Variants in ADAMTSL1 observed in about 807,000 individuals in gnomAD.
ADAMTSL1 encodes ADAMTS-like protein 1.
A neutral mutation model predicts 201.8 loss-of-function variants in ADAMTSL1; 126 were observed. The observed-to-expected ratio is 0.62, with a 90% CI of 0.54 to 0.72. The LOEUF (loss-of-function observed/expected upper bound fraction) is 0.72, where lower values mean the gene tolerates loss of function less well. Ranked by LOEUF, ADAMTSL1 falls within the 30% of genes least tolerant of loss-of-function variation. The probability of loss-of-function intolerance (pLI) is 0.00; values close to 1 mark genes in which losing one functional copy is unlikely to be tolerated. For missense variants in ADAMTSL1, 2,679 were observed against 2,277.8 expected (o/e 1.18, Z -3.59); for synonymous variants, 1,121 against 903.4 (o/e 1.24, Z -4.32).
At chr9:18,357,913 T>A (rs558351122) in intron 2 of ADAMTSL1, among the ~76,000 whole-genome samples, 9 of 152,284 alleles carry the variant, frequency 5.9e-5, no homozygotes, top group African/African-American at 1.9e-4. Context: ...CTACCCCCAC[T>A]GCCCCATAAT....
intron 1 of ADAMTSL1, among the ~76,000 whole-genome samples, chr9:18,005,063 G>A (rs867453368): frequency 6.6e-6 from 1 of 152,114 alleles, no homozygotes; most frequent in Non-Finnish European, 1.5e-5. Flanking sequence ...GGTGGTGACA[G>A]TGAAGTTTGA....
At chr9:18,863,826 C>T (rs1025090375) in intron 23 of ADAMTSL1, among the ~76,000 whole-genome samples, 16 of 152,270 alleles carry the variant, frequency 1.1e-4, no homozygotes, top group African/African-American at 2.4e-4. Context: ...CCACATACCA[C>T]GAGCAAAATG....
At chr9:18,131,074 T>G (rs997529293) in intron 1 of ADAMTSL1, among the ~76,000 whole-genome samples, 3 of 152,158 alleles carry the variant, frequency 2.0e-5, no homozygotes, top group Non-Finnish European at 4.4e-5. Flanking sequence ...AGAGTATGGC[T>G]CAATCTCTGC....
intron 2 of ADAMTSL1, among the ~76,000 whole-genome samples, chr9:18,164,553 A>G (rs1488384418): frequency 6.6e-6 from 1 of 151,670 alleles, no homozygotes; most frequent in Non-Finnish European, 1.5e-5. Context: ...TTGCGAATCA[A>G]ACTGTGATTT....
chr9:17,973,880 C>T (rs1336226271), intron 1 of ADAMTSL1, among the ~76,000 whole-genome samples: 2 of 150,026 alleles, frequency 1.3e-5, no homozygotes, highest in African/African-American at 4.9e-5. Context: ...AGGTCCTTCA[C>T]ATCCCTTGTA....
intron 2 of ADAMTSL1, among the ~76,000 whole-genome samples, chr9:18,318,655 G>A (rs1187002560): frequency 2.0e-5 from 3 of 152,050 alleles, no homozygotes; most frequent in East Asian, 3.9e-4. Context: ...CCAAGGAGCT[G>A]ATATGATTGG....
intron 20 of ADAMTSL1, among the ~76,000 whole-genome samples, chr9:18,799,445 A>G (rs769762106): frequency 6.6e-6 from 1 of 152,180 alleles, no homozygotes; most frequent in Non-Finnish European, 1.5e-5. Flanking sequence ...TTTCCAGGTA[A>G]ATTGCTTCAG....
intron 18 of ADAMTSL1, 63 bp from the exon 19 acceptor site, chr9:18,776,718 T>G: frequency 6.8e-7 from 1 of 1,465,284 alleles, no homozygotes; most frequent in Non-Finnish European, 9.0e-7. Context: ...TGGCTGCATC[T>G]CACTCTGGGT....
intron 2 of ADAMTSL1, among the ~76,000 whole-genome samples, chr9:18,410,764 A>G (rs1419275959): frequency 6.6e-6 from 1 of 151,150 alleles, no homozygotes; most frequent in Non-Finnish European, 1.5e-5. Flanking sequence ...GTCAAATGGT[A>G]TTTCTGCCTC....
intron 1 of ADAMTSL1, among the ~76,000 whole-genome samples, chr9:17,916,518 G>GT (rs375996372): frequency 1.8e-4 from 28 of 152,150 alleles, no homozygotes; most frequent in Non-Finnish European, 3.2e-4. Flanking sequence ...ATCAAAGTTC[G>GT]TTTTTTGGCC....
At chr9:18,090,376 C>G (rs1386232904) in intron 1 of ADAMTSL1, among the ~76,000 whole-genome samples, 1 of 152,074 alleles carries the variant, frequency 6.6e-6, no homozygotes, top group African/African-American at 2.4e-5. Context: ...AATGAATAAA[C>G]AAAATAGGGT....
chr9:18,016,564 C>T (rs974833270), intron 1 of ADAMTSL1, among the ~76,000 whole-genome samples: 1 of 151,926 alleles, frequency 6.6e-6, no homozygotes, highest in Non-Finnish European at 1.5e-5. Context: ...ATTTTTCCAT[C>T]CCACTCCTGA....
At chr9:18,081,496 T>C (rs1823498244) in intron 1 of ADAMTSL1, among the ~76,000 whole-genome samples, 1 of 152,174 alleles carries the variant, frequency 6.6e-6, no homozygotes, top group African/African-American at 2.4e-5. Context: ...TATTAAACAT[T>C]TAACAAGTCT....
At position 18,869,559 on chromosome 9, in the gene ADAMTSL1, T is replaced by C. The variant is rs570825358; in HGVS notation, c.4250-18272T>C. Among the ~76,000 whole-genome samples, 5 of 152,354 alleles carry C rather than the reference T, an allele frequency of 3.3e-5. No homozygotes were observed. The South Asian group carries it at 8.3e-4, about 25-fold the overall frequency. Reference sequence around the variant, plus strand: ...TCATCATAGCTGGAAGCAGTAAATTTCATTTTTAAAGGAGGGTTTATCTAG... The same window carrying C: ...TCATCATAGCTGGAAGCAGTAAATTCCATTTTTAAAGGAGGGTTTATCTAG... On this transcript the variant is annotated intron_variant, in intron 23 of 28. Coordinates refer to ENST00000380548, the MANE Select transcript of ADAMTSL1 (RefSeq NM_001040272.6).
Position 17,910,600 on chromosome 9 carries a change from A to G in ADAMTSL1, c.87+3678A>G, listed in dbSNP as rs186983292. Among the ~76,000 whole-genome samples, 558 of 68,962 alleles carry G rather than the reference A, an allele frequency of 8.1e-3. 141 individuals are homozygous for G. The highest frequency in any genetic ancestry group is 0.014 in the African/African-American group (490 of 34,124). 45.2% of individuals were successfully genotyped at this position (68,962 alleles called of 152,430 possible). ...CCAAATGGGTCTTTCTCTTACCACC[A>G]TTCAGAGCTGCTGTCCACATGTGAG... On this transcript the variant is annotated intron_variant, in intron 1 of 29. Transcript: ENST00000680146.
At chr9:18,278,183 T>C (rs910686175) in intron 2 of ADAMTSL1, among the ~76,000 whole-genome samples, 3 of 152,182 alleles carry the variant, frequency 2.0e-5, no homozygotes, top group African/African-American at 7.2e-5. Context: ...AATCAAAAGG[T>C]ATTTATGCAC....
chr9:18,168,588 G>A (rs1004563888), intron 2 of ADAMTSL1, among the ~76,000 whole-genome samples: 9 of 151,090 alleles, frequency 6.0e-5, no homozygotes, highest in East Asian at 1.9e-4. Context: ...CTAAACATAC[G>A]TGTGCCTGTG....
chr9:18,071,008 A>G (rs1822938965), intron 1 of ADAMTSL1, among the ~76,000 whole-genome samples: 1 of 152,228 alleles, frequency 6.6e-6, no homozygotes, highest in African/African-American at 2.4e-5. Flanking sequence ...CAGGACTAGA[A>G]GGAAAGCAAA....
chr9:18,166,584 C>A (rs967279240), intron 2 of ADAMTSL1, among the ~76,000 whole-genome samples: 1 of 151,828 alleles, frequency 6.6e-6, no homozygotes, highest in African/African-American at 2.4e-5. Context: ...TGTTTGCCAA[C>A]TGGAAATTGA....
Sources: allele counts gnomAD v4.1 joint callset (sites outside exome capture counted in the v4.1 genomes callset), GRCh38; gene constraint gnomAD v4.1.1; transcripts MANE v1.5; gene names NCBI Gene and HGNC (gene_info 2026-07-23, HGNC 2026-07-21).